DOK6: variants seen among roughly 807,000 people sequenced by gnomAD.
DOK6 encodes the protein downstream of tyrosine kinase 6.
DOK6 carries 22 observed loss-of-function variants against 44.0 expected under a neutral mutation model. The observed-to-expected ratio is 0.50, with a 90% CI of 0.36 to 0.71. DOK6 has a LOEUF of 0.71. Ranked by LOEUF, DOK6 falls within the 30% of genes least tolerant of loss-of-function variation. The pLI is 0.00. For missense variants in DOK6, 340 were observed against 416.4 expected, an observed-to-expected ratio of 0.82 and a Z score of 1.60; for synonymous variants, 166 against 145.5, an observed-to-expected ratio of 1.14 and a Z score of -1.01.
At chr18:69,636,234 T>C (rs559500856) in intron 3 of DOK6, among the ~76,000 whole-genome samples, 1 of 152,268 alleles carries the variant, frequency 6.6e-6, no homozygotes, top group African/African-American at 2.4e-5. Flanking sequence ...CCTTTGTAAG[T>C]TGAAAAACTG....
intron 7 of DOK6, among the ~76,000 whole-genome samples, chr18:69,794,687 A>G (rs1046595020): frequency 6.6e-6 from 1 of 152,152 alleles, no homozygotes; most frequent in African/African-American, 2.4e-5. Context: ...AAACCAGGCC[A>G]CAGAGCAGGT....
At chr18:69,832,526 T>A (rs1455858606) in intron 7 of DOK6, 2 of 152,036 alleles carry the variant, frequency 1.3e-5, no homozygotes, top group African/African-American at 2.4e-5. Flanking sequence ...AGTATCAGAG[T>A]CATACTTGCC....
intron 4 of DOK6, among the ~76,000 whole-genome samples, chr18:69,697,758 T>C (rs1986421334): frequency 6.6e-6 from 1 of 152,154 alleles, no homozygotes; most frequent in African/African-American, 2.4e-5. Flanking sequence ...TTTTCAGCCA[T>C]AGGATATCCA....
intron 1 of DOK6, among the ~76,000 whole-genome samples, chr18:69,552,618 T>C (rs1982593227): frequency 6.6e-6 from 1 of 152,236 alleles, no homozygotes; most frequent in Non-Finnish European, 1.5e-5. Flanking sequence ...CTTCCCATTC[T>C]CTTTTAATTT....
chr18:69,838,053 C>T (rs1027688440), intron 7 of DOK6, among the ~76,000 whole-genome samples: 3 of 151,924 alleles, frequency 2.0e-5, no homozygotes, highest in African/African-American at 4.8e-5. Flanking sequence ...TAATATTAAT[C>T]GCATGATTGA....
rs910242113 is a variant in DOK6, at chr18:69,845,667, G to C, written c.*4284G>C. ...AATGAAATGTCCAGAGTAACACTTG[G>C]TCTCTACCTTTCTAACATTCTAACC... On this transcript the variant is annotated 3_prime_UTR_variant, in exon 8 of 8. Transcript: ENST00000382713. 3 of 152,156 alleles carry C rather than the reference G, an allele frequency of 2.0e-5. No homozygotes were observed. Among genetic ancestry groups the C allele is most frequent in the Non-Finnish European group, 2.9e-5 (2 of 68,024 alleles). The allele number at this position is 152,156 out of a possible 1,614,324, so 9.4% of individuals were successfully genotyped here.
At chr18:69,427,229 A>G (rs1197952997) in intron 1 of DOK6, among the ~76,000 whole-genome samples, 5 of 152,126 alleles carry the variant, frequency 3.3e-5, no homozygotes, top group African/African-American at 1.2e-4. Context: ...TAGCACTCCA[A>G]CAAAGGTCTA....
chr18:69,699,474 G>GAA (rs200659784), intron 5 of DOK6, among the ~76,000 whole-genome samples: 1 of 151,654 alleles, frequency 6.6e-6, no homozygotes. Flanking sequence ...TTTAAGGAGG[G>GAA]AAAAAACAAA....
intron 3 of DOK6, chr18:69,659,903 G>A (rs1286282887): frequency 8.0e-6 from 1 of 124,648 alleles, no homozygotes; most frequent in African/African-American, 2.8e-5. Context: ...TAACATATAT[G>A]TATGTTTTAT....
In DOK6 at chr18:69,844,456, A is replaced by G. The variant is rs1012192505; in HGVS notation, c.*3073A>G. 6.6e-6 allele frequency: 1 copy of G among 152,076 alleles called. No homozygotes were observed. The highest frequency in any genetic ancestry group is 2.4e-5 in the African/African-American group (1 of 41,410). The allele number at this position is 152,076 out of a possible 1,614,324, so 9.4% of individuals were successfully genotyped here. On this transcript the variant is annotated 3_prime_UTR_variant, in exon 8 of 8. Coordinates refer to ENST00000382713, the MANE Select transcript of DOK6 (RefSeq NM_152721.6). ...AGGGGACTTATTTTTTATGTTCCCA[A>G]TTTTTTCTTCTGATAATATTAATCA...
chr18:69,687,232 C>G (rs1986172104), intron 4 of DOK6, among the ~76,000 whole-genome samples: 1 of 152,162 alleles, frequency 6.6e-6, no homozygotes. Flanking sequence ...CCAATGTTGG[C>G]GTAGCCCAAT....
intron 1 of DOK6, among the ~76,000 whole-genome samples, chr18:69,429,171 G>A (rs1183377751): frequency 6.6e-6 from 1 of 152,054 alleles, no homozygotes; most frequent in Admixed American, 6.5e-5. Context: ...CAAAAATTTT[G>A]TTGTAATATA....
intron 5 of DOK6, among the ~76,000 whole-genome samples, chr18:69,723,373 T>C (rs1203125227): frequency 6.6e-6 from 1 of 152,208 alleles, no homozygotes; most frequent in Non-Finnish European, 1.5e-5. Context: ...TCTGTGTTGG[T>C]GAAAGCACAG....
At chr18:69,514,940 G>A (rs1188591462) in intron 1 of DOK6, among the ~76,000 whole-genome samples, 1 of 151,808 alleles carries the variant, frequency 6.6e-6, no homozygotes, top group African/African-American at 2.4e-5. Context: ...AGACTGATTA[G>A]AGGCTCTGTT....
chr18:69,834,083 G>A (rs1429082770), intron 7 of DOK6, among the ~76,000 whole-genome samples: 1 of 152,172 alleles, frequency 6.6e-6, no homozygotes, highest in Non-Finnish European at 1.5e-5. Flanking sequence ...GCATTCCCAT[G>A]TTTATTGCAG....
At chr18:69,557,499 G>T (rs1369340979) in intron 1 of DOK6, among the ~76,000 whole-genome samples, 2 of 152,162 alleles carry the variant, frequency 1.3e-5, no homozygotes, top group Non-Finnish European at 2.9e-5. Flanking sequence ...AAGGAAAAGA[G>T]ATTGCTATGC....
intron 1 of DOK6, among the ~76,000 whole-genome samples, chr18:69,456,100 G>A (rs759040041): frequency 5.9e-5 from 9 of 152,196 alleles, no homozygotes; most frequent in African/African-American, 1.2e-4. Context: ...GTCAAGAACC[G>A]TATCTACTAC....
chr18:69,402,005 C>A (rs569398517), intron 1 of DOK6, among the ~76,000 whole-genome samples: 1 of 152,288 alleles, frequency 6.6e-6, no homozygotes, highest in African/African-American at 2.4e-5. Context: ...CCGTGTAGAA[C>A]CCAAGGGTTC....
chr18:69,646,844 CTA>C (rs1985086138), intron 3 of DOK6, among the ~76,000 whole-genome samples: 1 of 152,124 alleles, frequency 6.6e-6, no homozygotes, highest in Admixed American at 6.5e-5. Context: ...AGTATTACCT[CTA>C]TTTCTCCATC....
Sources: gnomAD v4.1 joint callset for allele counts (sites outside exome capture counted in the v4.1 genomes callset) on GRCh38, gnomAD v4.1.1 for gene constraint, MANE v1.5 for transcripts, NCBI Gene and HGNC (gene_info 2026-07-23, HGNC 2026-07-21) for gene names.